Variants in RIMS1 observed in about 807,000 individuals in gnomAD.
RIMS1 encodes regulating synaptic membrane exocytosis 1.
RIMS1 carries 83 observed loss-of-function variants against 214.1 expected under a neutral mutation model. That is an observed-to-expected ratio of 0.39 (90% CI 0.32 to 0.47). The LOEUF is 0.47. Ranked by LOEUF, RIMS1 falls within the 20% of genes least tolerant of loss-of-function variation. The pLI, the probability that RIMS1 is intolerant of heterozygous loss-of-function variation, is 0.99. For synonymous variants in RIMS1, 793 were observed against 786.8 expected (o/e 1.01, Z -0.13); for missense variants, 2,050 against 2,161.8 (o/e 0.95, Z 1.03).
chr6:72,200,029 A>C (rs1163085700), intron 6 of RIMS1, among the ~76,000 whole-genome samples: 1 of 152,058 alleles, frequency 6.6e-6, no homozygotes, highest in African/African-American at 2.4e-5. Flanking sequence ...TATCATATGC[A>C]TGCATTAATT....
intron 4 of RIMS1, among the ~76,000 whole-genome samples, chr6:72,116,896 G>T (rs1484395245): frequency 6.6e-6 from 1 of 151,966 alleles, no homozygotes; most frequent in Non-Finnish European, 1.5e-5. Context: ...ACATAATATT[G>T]TTACAGTGCT....
chr6:72,366,967 G>C (rs897908165), intron 29 of RIMS1: 3 of 473,418 alleles, frequency 6.3e-6, no homozygotes. Context: ...TTCTATATTT[G>C]TCTGAAGCTT....
At chr6:72,116,188 C>G (rs1405711896) in intron 4 of RIMS1, among the ~76,000 whole-genome samples, 5 of 151,974 alleles carry the variant, frequency 3.3e-5, no homozygotes, top group Non-Finnish European at 7.4e-5. Context: ...TGAAGTATCT[C>G]TGCCTCAACT....
rs1199605452 is a variant in RIMS1, at chr6:72,338,748, T to G, written c.4366+4913T>G. On this transcript the variant is annotated intron_variant, in intron 29 of 33. Coordinates refer to ENST00000521978, the MANE Select transcript of RIMS1 (RefSeq NM_014989.7). Reference sequence around the variant, plus strand: ...ATTTTAAAGTTGAAGACACTGAGACTTAGAGGGATTGGGTAATTTGCCCAA... The same window carrying G: ...ATTTTAAAGTTGAAGACACTGAGACGTAGAGGGATTGGGTAATTTGCCCAA... Among the ~76,000 whole-genome samples the G allele has an allele frequency of 2.0e-5, 3 of 151,638 alleles. No homozygotes were observed. The East Asian group carries it at 5.8e-4, about 30-fold the overall frequency.
At chr6:72,250,519 A>G in intron 13 of RIMS1, 59 bp downstream of exon 13, 1 of 1,246,930 alleles carries the variant, frequency 8.0e-7, no homozygotes, top group East Asian at 2.6e-5. Context: ...AAAAGGTAGA[A>G]TTTTCTCTTT....
Position 72,400,996 on chromosome 6 carries a change from TACACACACACATGCAC to T in RIMS1, c.*294_*309del, listed in dbSNP as rs2098831930. On this transcript the variant is annotated 3_prime_UTR_variant, in exon 34 of 34. Transcript: ENST00000521978. ...GAAACTTTAAATCCACGCATACACG[TACACACACACATGCAC>T]ACACACACACACCAAATTGAACAAA... 8.1e-6 allele frequency: 3 copies of T among 372,592 alleles called. No homozygotes were observed. Among genetic ancestry groups the T allele is most frequent in the South Asian group, 3.4e-5 (1 of 29,154 alleles). The allele number at this position is 372,592 out of a possible 1,614,324, so 23.1% of individuals were successfully genotyped here.
At chr6:72,134,348 C>T (rs539573990) in intron 4 of RIMS1, among the ~76,000 whole-genome samples, 2 of 151,880 alleles carry the variant, frequency 1.3e-5, no homozygotes, top group Non-Finnish European at 2.9e-5. Flanking sequence ...ATTTTTCCTT[C>T]ATTCTCAGCA....
At chr6:71,980,764 A>G (rs985927961) in intron 2 of RIMS1, among the ~76,000 whole-genome samples, 3 of 152,122 alleles carry the variant, frequency 2.0e-5, no homozygotes, top group Admixed American at 6.6e-5. Context: ...AATAATGGCA[A>G]TGACTCCAGA....
intron 9 of RIMS1, among the ~76,000 whole-genome samples, chr6:72,240,630 C>CTTTTTT (rs11344285): frequency 0.01 from 821 of 80,826 alleles, no homozygotes; most frequent in East Asian, 0.019. Flanking sequence ...TTTCTTTTTT[C>CTTTTTT]TTTTTTTTTT....
At chr6:71,962,764 T>C (rs145374443) in intron 1 of RIMS1, among the ~76,000 whole-genome samples, 1 of 152,326 alleles carries the variant, frequency 6.6e-6, no homozygotes, top group East Asian at 1.9e-4. Flanking sequence ...CTTTAAAATA[T>C]ATATTTGAAG....
intron 6 of RIMS1, among the ~76,000 whole-genome samples, chr6:72,199,912 T>C (rs75408287): frequency 0.021 from 3,265 of 152,124 alleles, 42 homozygotes; most frequent in Middle Eastern, 0.048. Flanking sequence ...TAAGAAAATA[T>C]CTAAAAATAA....
At chr6:72,062,978 T>G (rs374604397) in intron 2 of RIMS1, among the ~76,000 whole-genome samples, 3 of 152,202 alleles carry the variant, frequency 2.0e-5, no homozygotes, top group African/African-American at 4.8e-5. Flanking sequence ...ATAAGGACTC[T>G]GTTTTCCAAA....
chr6:72,346,404 CTCAAG>C (rs1169182124), intron 29 of RIMS1, among the ~76,000 whole-genome samples: 1 of 151,736 alleles, frequency 6.6e-6, no homozygotes, highest in African/African-American at 2.4e-5. Context: ...CTCAAAGTTC[CTCAAG>C]TCAAGTCCAC....
rs191653454 is a variant in RIMS1, at chr6:72,284,239, T to C, written c.3554+121T>C. 1,860 of 717,272 alleles carry C rather than the reference T, an allele frequency of 2.6e-3. 10 individuals carry two copies. Among genetic ancestry groups the C allele is most frequent in the Middle Eastern group, 7.1e-3 (29 of 4,070 alleles). 44.4% of individuals were successfully genotyped at this position (717,272 alleles called of 1,614,324 possible). A position where few individuals can be genotyped will look rare whatever the true frequency, so the allele number is the denominator to read the frequency against. On this transcript the variant is annotated intron_variant, in intron 24 of 33. Transcript: ENST00000521978. Reference sequence around the variant, plus strand: ...AAATTGTGATGTTTAAAGGCATTCATGTAACTAAACCTACCCCTAAATGGA... The same window carrying C: ...AAATTGTGATGTTTAAAGGCATTCACGTAACTAAACCTACCCCTAAATGGA...
chr6:72,279,781 A>G (rs1207261824), intron 23 of RIMS1, among the ~76,000 whole-genome samples: 1 of 152,000 alleles, frequency 6.6e-6, no homozygotes, highest in East Asian at 1.9e-4. Flanking sequence ...ATTAAGGTCT[A>G]TCATAGCTTG....
intron 1 of RIMS1, among the ~76,000 whole-genome samples, chr6:71,920,120 A>G (rs955184750): frequency 6.6e-6 from 1 of 152,252 alleles, no homozygotes. Context: ...TAAAGGAATC[A>G]GTAAATTATG....
intron 2 of RIMS1, among the ~76,000 whole-genome samples, chr6:72,000,451 A>G (rs958025212): frequency 3.3e-5 from 5 of 152,248 alleles, no homozygotes; most frequent in African/African-American, 9.6e-5. Context: ...AATGATTGCT[A>G]CTACATTCTT....
At chr6:71,949,627 C>T (rs1157570577) in intron 1 of RIMS1, among the ~76,000 whole-genome samples, 5 of 152,120 alleles carry the variant, frequency 3.3e-5, no homozygotes, top group South Asian at 2.1e-4. Context: ...TGATAATCTC[C>T]GTAAATGTTA....
chr6:72,041,129 A>G (rs1163855215), intron 2 of RIMS1, among the ~76,000 whole-genome samples: 1 of 151,898 alleles, frequency 6.6e-6, no homozygotes, highest in Non-Finnish European at 1.5e-5. Context: ...GTAGCTCCAG[A>G]TGGGCTTTAT....
Sources: gnomAD v4.1 joint callset for allele counts (sites outside exome capture counted in the v4.1 genomes callset) on GRCh38, gnomAD v4.1.1 for gene constraint, MANE v1.5 for transcripts, NCBI Gene and HGNC (gene_info 2026-07-23, HGNC 2026-07-21) for gene names.